DOCK5: variants seen among roughly 807,000 people sequenced by gnomAD.
DOCK5 encodes dedicator of cytokinesis protein 5.
In DOCK5, 142 loss-of-function variants were observed where a neutral mutation model predicts 251.8. That is an observed-to-expected ratio of 0.56 (90% CI 0.49 to 0.65). DOCK5 has a LOEUF of 0.65. Ranked by LOEUF, DOCK5 falls within the 30% of genes least tolerant of loss-of-function variation. The pLI is 0.00. For synonymous variants in DOCK5, 842 were observed against 835.5 expected (o/e 1.01, Z -0.13); for missense variants, 2,111 against 2,312.3 (o/e 0.91, Z 1.79).
In DOCK5 at chr8:25,308,813, G is replaced by A. The variant is rs760307795; in HGVS notation, c.1080G>A (p.Arg360=). 1.9e-6 allele frequency: 3 copies of A among 1,613,838 alleles called. No homozygotes were observed. Among genetic ancestry groups the A allele is most frequent in the Non-Finnish European group, 1.7e-6 (2 of 1,179,826 alleles). ...CGATGGAAACCTACATCCGCCAGAG[G>A]CAGCTCATCATGTCGCCTTTGATAA... ...QIAMETYIRQ[R]QLIMSPLITS... is the part of the protein sequence containing the mutation. The change falls in exon 12 of 52, where the codon AGG becomes AGA. Residue 360 remains arginine, a synonymous_variant. Coordinates refer to ENST00000276440, the MANE Select transcript of DOCK5 (RefSeq NM_024940.8).
chr8:25,406,982 C>T (rs1801534306), intron 48 of DOCK5, among the ~76,000 whole-genome samples: 2 of 152,076 alleles, frequency 1.3e-5, no homozygotes, highest in Non-Finnish European at 2.9e-5. Context: ...GTTGACATTG[C>T]ATCATACAAA....
intron 1 of DOCK5, among the ~76,000 whole-genome samples, chr8:25,221,453 C>T (rs900413311): frequency 1.1e-4 from 17 of 152,096 alleles, no homozygotes; most frequent in South Asian, 4.1e-4. Context: ...GGATTACAGG[C>T]GCCCGCCACC....
chr8:25,225,566 C>T (rs111725545), intron 1 of DOCK5, among the ~76,000 whole-genome samples: 13,077 of 151,924 alleles, frequency 0.086, 1,514 homozygotes, highest in African/African-American at 0.27. Context: ...ATTAGCCGGG[C>T]GTGGTGGTGG....
intron 18 of DOCK5, 53 bp downstream of exon 18, chr8:25,325,600 G>T: frequency 6.3e-7 from 1 of 1,592,580 alleles, no homozygotes; most frequent in Non-Finnish European, 8.6e-7. Context: ...AGCCTTTCTG[G>T]GCTCCTTGGT....
intron 25 of DOCK5, among the ~76,000 whole-genome samples, chr8:25,344,206 A>G (rs1423819195): frequency 6.6e-6 from 1 of 152,214 alleles, no homozygotes; most frequent in African/African-American, 2.4e-5. Flanking sequence ...TTACACTGAT[A>G]AAATACTTTT....
chr8:25,400,417 G>T (rs774816093), intron 46 of DOCK5, among the ~76,000 whole-genome samples: 1 of 145,522 alleles, frequency 6.9e-6, no homozygotes. Flanking sequence ...AGAATCATTT[G>T]AACTCAGGAG....
At chr8:25,326,629 G>A (rs569631709) in intron 18 of DOCK5, among the ~76,000 whole-genome samples, 121 of 152,210 alleles carry the variant, frequency 7.9e-4, no homozygotes, top group Non-Finnish European at 1.4e-3. Context: ...CTGCTGGTAG[G>A]TTAATGGGTA....
chr8:25,245,430 A>G (rs1181642497), intron 2 of DOCK5, among the ~76,000 whole-genome samples: 2 of 152,156 alleles, frequency 1.3e-5, no homozygotes, highest in African/African-American at 2.4e-5. Flanking sequence ...TCTAGCCTCA[A>G]TGGATGCATA....
At chr8:25,334,672 A>G (rs1805759402) in intron 21 of DOCK5, among the ~76,000 whole-genome samples, 1 of 151,822 alleles carries the variant, frequency 6.6e-6, no homozygotes. Context: ...TGATCATGCC[A>G]TTGCACTCCA....
chr8:25,296,728 T>C, intron 7 of DOCK5, 80 bp downstream of exon 7: 1 of 1,554,422 alleles, frequency 6.4e-7, no homozygotes, highest in South Asian at 1.2e-5. Flanking sequence ...AGGGAAATCA[T>C]TGAGAACAAA....
chr8:25,264,578 C>T (rs1044520721), intron 2 of DOCK5, among the ~76,000 whole-genome samples: 11 of 151,910 alleles, frequency 7.2e-5, no homozygotes, highest in African/African-American at 2.4e-4. Flanking sequence ...GTAATCCCAG[C>T]ACTTTGGGAG....
At chr8:25,242,637 A>G (rs552093945) in intron 1 of DOCK5, among the ~76,000 whole-genome samples, 10 of 152,330 alleles carry the variant, frequency 6.6e-5, no homozygotes, top group Admixed American at 6.5e-4. Flanking sequence ...TATCTATTCA[A>G]AGCTCTGGCT....
In DOCK5 at chr8:25,334,134, G is replaced by A; in HGVS notation, c.2130G>A (p.Gln710=). The change falls in exon 21 of 52, where the codon CAG becomes CAA. Residue 710 remains glutamine, a synonymous_variant. Transcript: ENST00000276440. ...IISLIGDIKF[Q]HFNPVLETYI... The stretch of plus-strand genomic sequence containing the variant: ...CACTGATAGGAGACATCAAGTTCCA[G>A]CATTTTAATCCTGTACTTGAAACCT... 3.7e-6 allele frequency: 6 copies of A among 1,613,890 alleles called. No individual in the cohort carries two copies. The highest frequency in any genetic ancestry group is 5.1e-6 in the Non-Finnish European group (6 of 1,179,822).
At chr8:25,272,840 C>G (rs1803944363) in intron 3 of DOCK5, among the ~76,000 whole-genome samples, 1 of 152,182 alleles carries the variant, frequency 6.6e-6, no homozygotes, top group African/African-American at 2.4e-5. Flanking sequence ...AAAATTCTGT[C>G]CCCTTTAGAT....
chr8:25,216,226 T>G (rs1320739788), intron 1 of DOCK5, among the ~76,000 whole-genome samples: 2 of 119,632 alleles, frequency 1.7e-5, no homozygotes, highest in Non-Finnish European at 3.4e-5. Flanking sequence ...TATGTATATA[T>G]GTATACAATA....
chr8:25,409,811 A>T lies in DOCK5; in HGVS notation c.5405-288A>T, dbSNP rs557998681. 9 of 214,946 alleles carry T rather than the reference A, an allele frequency of 4.2e-5. No homozygotes were observed. The South Asian group carries it at 4.4e-4, about 11-fold the overall frequency. The allele number at this position is 214,946 out of a possible 1,614,324, so 13.3% of individuals were successfully genotyped here. A position where few individuals can be genotyped will look rare whatever the true frequency, so the allele number is the denominator to read the frequency against. The stretch of plus-strand genomic sequence containing the variant: ...CAGTGAGCTGAGATCGCGCCACTGC[A>T]CTCCAGCCTGGGCAACAGAGCGAGA... On this transcript the variant is annotated intron_variant, in intron 50 of 51. Coordinates refer to ENST00000276440, the MANE Select transcript of DOCK5 (RefSeq NM_024940.8).
intron 18 of DOCK5, 112 bp downstream of exon 18, chr8:25,325,659 T>A: frequency 7.0e-6 from 9 of 1,278,358 alleles, no homozygotes; most frequent in Non-Finnish European, 9.6e-6. Context: ...TTAGGTAGGA[T>A]GTTGGCCAAT....
At chr8:25,298,262 C>G (rs1438566204) in intron 7 of DOCK5, among the ~76,000 whole-genome samples, 1 of 152,036 alleles carries the variant, frequency 6.6e-6, no homozygotes, top group Non-Finnish European at 1.5e-5. Context: ...GCAAACCACA[C>G]CTGAAGGTAA....
intron 37 of DOCK5, chr8:25,376,060 C>G (rs921180540): frequency 1.0e-6 from 1 of 967,764 alleles, no homozygotes; most frequent in East Asian, 1.2e-4. Context: ...GATGGTGCCA[C>G]CATACTCCAG....
Sources: gnomAD v4.1 joint callset for allele counts (sites outside exome capture counted in the v4.1 genomes callset) on GRCh38, gnomAD v4.1.1 for gene constraint, MANE v1.5 for transcripts, NCBI Gene and HGNC (gene_info 2026-07-23, HGNC 2026-07-21) for gene names.